Variants in ZNF521 observed in about 807,000 individuals in gnomAD.
ZNF521 encodes zinc finger protein 521, also known as LYST-interacting protein 3.
Under a neutral mutation model 105.5 loss-of-function variants are expected in ZNF521, and 14 were observed. The ratio of observed to expected loss-of-function variants is 0.13; its 90% CI spans 0.09 to 0.21. ZNF521 has a LOEUF of 0.21. Ranked by LOEUF, ZNF521 falls within the 10% of genes least tolerant of loss-of-function variation. The pLI, the probability that ZNF521 is intolerant of heterozygous loss-of-function variation, is 1.00. For missense variants in ZNF521, 1,233 were observed against 1,629.7 expected (o/e 0.76, Z 4.19); for synonymous variants, 635 against 606.0 (o/e 1.05, Z -0.70).
At position 25,158,944 on chromosome 18, in the gene ZNF521, C is replaced by T. The variant is rs936569811; in HGVS notation, c.3658+36216G>A. Among the ~76,000 whole-genome samples, 8 of 149,118 alleles carry T rather than the reference C, an allele frequency of 5.4e-5. No individual in the cohort carries two copies. The South Asian group carries it at 1.1e-3, about 20-fold the overall frequency. ...GCATTCCAGCCTGTGCGACACAGTGCGACTCCATCTTAAAAAAAAAAAAAG... is the reference window on the plus strand; with the variant it reads ...GCATTCCAGCCTGTGCGACACAGTGTGACTCCATCTTAAAAAAAAAAAAAG... On this transcript the variant is annotated intron_variant, in intron 5 of 7. Transcript: ENST00000361524.
intron 3 of ZNF521, among the ~76,000 whole-genome samples, chr18:25,270,834 A>G (rs900741716): frequency 6.6e-6 from 1 of 152,236 alleles, no homozygotes; most frequent in Admixed American, 6.5e-5. Flanking sequence ...TGAATGGGCA[A>G]AAACTGGAAG....
chr18:25,279,714 T>C (rs1322655450), intron 3 of ZNF521, among the ~76,000 whole-genome samples: 1 of 152,228 alleles, frequency 6.6e-6, no homozygotes, highest in African/African-American at 2.4e-5. Flanking sequence ...CTTCACATTA[T>C]GGGAAATAAT....
At chr18:25,069,644 C>A (rs1201069588) in intron 7 of ZNF521, among the ~76,000 whole-genome samples, 2 of 152,072 alleles carry the variant, frequency 1.3e-5, no homozygotes, top group Admixed American at 6.5e-5. Context: ...GTGGATATTG[C>A]ATTTTTGTGA....
At chr18:25,090,890 T>C (rs1396221331) in intron 6 of ZNF521, among the ~76,000 whole-genome samples, 2 of 152,146 alleles carry the variant, frequency 1.3e-5, no homozygotes, top group African/African-American at 4.8e-5. Flanking sequence ...TATTTTTAAG[T>C]ATAAACCTGG....
intron 3 of ZNF521, among the ~76,000 whole-genome samples, chr18:25,233,662 GTT>G (rs373253299): frequency 5.1e-4 from 58 of 114,396 alleles, no homozygotes; most frequent in Non-Finnish European, 6.6e-4. Context: ...AAGCTCAGAG[GTT>G]TTTTTTTTTT....
At chr18:25,316,694 C>CTT (rs199590227) in intron 3 of ZNF521, among the ~76,000 whole-genome samples, 1 of 152,014 alleles carries the variant, frequency 6.6e-6, no homozygotes, top group African/African-American at 2.4e-5. Context: ...TCATTTCTCC[C>CTT]TTTTTTTCGC....
chr18:25,263,120 C>G (rs758618645), intron 3 of ZNF521, among the ~76,000 whole-genome samples: 1 of 152,150 alleles, frequency 6.6e-6, no homozygotes, highest in South Asian at 2.1e-4. Context: ...TCACAAATTC[C>G]AAATCTCTTA....
chr18:25,164,902 C>T (rs1259042909), intron 5 of ZNF521, among the ~76,000 whole-genome samples: 1 of 152,190 alleles, frequency 6.6e-6, no homozygotes, highest in African/African-American at 2.4e-5. Context: ...GATAGGTCTG[C>T]CCCTCCAGAA....
At chr18:25,162,650 T>G (rs1192474431) in intron 5 of ZNF521, among the ~76,000 whole-genome samples, 2 of 152,206 alleles carry the variant, frequency 1.3e-5, no homozygotes, top group African/African-American at 2.4e-5. Flanking sequence ...AAAAATGCAG[T>G]GAAAATGACT....
chr18:25,281,672 T>C (rs148269132), intron 3 of ZNF521, among the ~76,000 whole-genome samples: 82 of 152,262 alleles, frequency 5.4e-4, no homozygotes, highest in African/African-American at 1.8e-3. Context: ...CACAAAGAGT[T>C]AGTTAAGCAA....
intron 5 of ZNF521, among the ~76,000 whole-genome samples, chr18:25,194,761 T>C (rs973611961): frequency 1.3e-5 from 2 of 151,752 alleles, no homozygotes; most frequent in Non-Finnish European, 1.5e-5. Flanking sequence ...TAGATTTTGA[T>C]ACAAAGATGC....
At position 25,102,409 on chromosome 18, in the gene ZNF521, T is replaced by C. The variant is rs760740694; in HGVS notation, c.3659-10328A>G. ...AAAAAAGAAAGGGAAAGAGTCAACA[T>C]GGTACATTTGGCTGAACACTGGAGC... On this transcript the variant is annotated intron_variant, in intron 5 of 7. Coordinates refer to ENST00000361524, the MANE Select transcript of ZNF521 (RefSeq NM_015461.3). 2.6e-5 allele frequency among the ~76,000 whole-genome samples: 4 copies of C among 152,006 alleles called. No homozygotes were observed. The East Asian group carries it at 5.8e-4, about 22-fold the overall frequency.
At chr18:25,322,246 T>C (rs1912970164) in intron 2 of ZNF521, 59 bp from the exon 3 acceptor site, 2 of 1,531,680 alleles carry the variant, frequency 1.3e-6, no homozygotes, top group African/African-American at 1.4e-5. Context: ...TAAAGTAACA[T>C]TTAATCTTCT....
At chr18:25,106,740 A>C (rs2034081337) in intron 5 of ZNF521, among the ~76,000 whole-genome samples, 1 of 152,120 alleles carries the variant, frequency 6.6e-6, no homozygotes, top group Non-Finnish European at 1.5e-5. Context: ...ATCTTTTAAA[A>C]TATATATATT....
intron 2 of ZNF521, among the ~76,000 whole-genome samples, chr18:25,336,669 A>C (rs1038360754): frequency 1.3e-5 from 2 of 152,208 alleles, no homozygotes; most frequent in African/African-American, 4.8e-5. Flanking sequence ...CTGTCGTGGC[A>C]GACTGAACTC....
At chr18:25,210,581 GTTC>G (rs2036162263) in intron 4 of ZNF521, among the ~76,000 whole-genome samples, 1 of 152,186 alleles carries the variant, frequency 6.6e-6, no homozygotes, top group African/African-American at 2.4e-5. Context: ...GGTGTCTAAT[GTTC>G]TATTCATGTG....
intron 3 of ZNF521, among the ~76,000 whole-genome samples, chr18:25,258,160 C>T (rs1043094754): frequency 1.3e-5 from 2 of 152,162 alleles, no homozygotes; most frequent in Admixed American, 6.5e-5. Context: ...AAGGTAGACA[C>T]CACTTCCTGT....
At chr18:25,121,310 T>C (rs1290659547) in intron 5 of ZNF521, among the ~76,000 whole-genome samples, 3 of 147,792 alleles carry the variant, frequency 2.0e-5, no homozygotes, top group Non-Finnish European at 4.5e-5. Flanking sequence ...TCTCGCTCTG[T>C]TGCCCGCGAT....
Position 25,227,607 on chromosome 18 carries a change from C to A in ZNF521, c.311G>T (p.Gly104Val), listed in dbSNP as rs776708992. 6 of 1,614,136 alleles carry A rather than the reference C, an allele frequency of 3.7e-6. No individual in the cohort carries two copies. The highest frequency in any genetic ancestry group is 2.2e-5 in the East Asian group (1 of 44,868). Residue 104 changes from glycine to valine, a missense_variant, in exon 4 of 8, where the codon GGT becomes GTT. Transcript: ENST00000361524. The surrounding 1 kb of genome is among the most constrained non-coding windows in gnomAD (Gnocchi z 5.7). ...KDQTSPSHGEGCDFGEEEGGP... is the reference protein window; with the variant it reads ...KDQTSPSHGEVCDFGEEEGGP... Reference sequence around the variant, plus strand: ...ACCTTCTTCCTCTCCAAAATCGCAACCTTCTCCATGGCTAGGGGAAGTCTG... The same window carrying A: ...ACCTTCTTCCTCTCCAAAATCGCAAACTTCTCCATGGCTAGGGGAAGTCTG...
Sources: allele counts gnomAD v4.1 joint callset (sites outside exome capture counted in the v4.1 genomes callset), GRCh38; gene constraint gnomAD v4.1.1; non-coding constraint Gnocchi (gnomAD v3.1); transcripts MANE v1.5; gene names NCBI Gene and HGNC (gene_info 2026-07-23, HGNC 2026-07-21).